CFAP20DC: variants seen among roughly 807,000 people sequenced by gnomAD.
CFAP20DC encodes protein CFAP20DC.
A neutral mutation model predicts 101.7 loss-of-function variants in CFAP20DC; 84 were observed. The ratio of observed to expected loss-of-function variants is 0.83; its 90% CI spans 0.69 to 0.99. CFAP20DC has a LOEUF of 0.99. CFAP20DC is among the 50% of genes least tolerant of loss of function. The pLI is 0.00. For missense variants in CFAP20DC, 1,007 were observed against 970.3 expected (o/e 1.04, Z -0.50); for synonymous variants, 359 against 351.2 (o/e 1.02, Z -0.25).
Position 59,014,438 on chromosome 3 carries a change from A to G in CFAP20DC, c.278+25119T>C, listed in dbSNP as rs1425150208. Among the ~76,000 whole-genome samples the G allele has an allele frequency of 6.6e-6, 1 of 152,182 alleles. No individual in the cohort carries two copies. Among genetic ancestry groups the G allele is most frequent in the Non-Finnish European group, 1.5e-5 (1 of 68,012 alleles). On this transcript the variant is annotated intron_variant, in intron 4 of 16. Transcript: ENST00000482387. The surrounding 1 kb of genome is among the most constrained non-coding windows in gnomAD (Gnocchi z 4.9). ...ACTAAATATTAACTGAAACTTTATG[A>G]TATCTATAATCCAAATAGTGTTGTC...
intron 4 of CFAP20DC, among the ~76,000 whole-genome samples, chr3:58,965,578 A>G (rs898353037): frequency 6.6e-6 from 1 of 152,190 alleles, no homozygotes; most frequent in African/African-American, 2.4e-5. Context: ...TCTGAGCTTT[A>G]CATAGTTGTA....
chr3:58,952,124 A>G (rs1010265833), intron 4 of CFAP20DC, among the ~76,000 whole-genome samples: 1 of 152,144 alleles, frequency 6.6e-6, no homozygotes, highest in African/African-American at 2.4e-5. Flanking sequence ...TTACAAATTC[A>G]TCATCAGCGT....
intron 15 of CFAP20DC, among the ~76,000 whole-genome samples, chr3:58,794,655 A>G (rs1327587975): frequency 1.3e-5 from 2 of 152,186 alleles, no homozygotes; most frequent in Non-Finnish European, 2.9e-5. Context: ...CTGGCAACAA[A>G]AGCAGAGTCT....
intron 4 of CFAP20DC, among the ~76,000 whole-genome samples, chr3:58,987,173 C>A (rs539904623): frequency 9.2e-5 from 14 of 152,124 alleles, no homozygotes; most frequent in Admixed American, 2.0e-4. Flanking sequence ...TGGGATACAA[C>A]TGGAGTTAAA....
chr3:58,877,734 A>C (rs1230718050), intron 7 of CFAP20DC, among the ~76,000 whole-genome samples: 2 of 152,140 alleles, frequency 1.3e-5, no homozygotes, highest in Non-Finnish European at 2.9e-5. Context: ...CTTACTTCCT[A>C]TGCAATTTTG....
At chr3:58,935,010 A>G (rs1044519795) in intron 5 of CFAP20DC, among the ~76,000 whole-genome samples, 17 of 152,212 alleles carry the variant, frequency 1.1e-4, no homozygotes, top group Admixed American at 8.5e-4. Context: ...ACATGATTGT[A>G]TATCTAGAAA....
At position 58,809,111 on chromosome 3, in the gene CFAP20DC, T is replaced by G. The variant is rs1413206721; in HGVS notation, c.2176-2655A>C. On this transcript the variant is annotated intron_variant, in intron 14 of 16. Transcript: ENST00000482387. ...AGAGACTTAGACTCCCACACAATAA[T>G]AATGGGAGACTTTAGCACCCCACTG... is the stretch of plus-strand genomic sequence containing the variant. Among the ~76,000 whole-genome samples, 4 of 152,010 alleles carry G rather than the reference T, an allele frequency of 2.6e-5. No individual in the cohort carries two copies. In the East Asian group the frequency reaches 5.8e-4, roughly 22 times the overall value.
intron 7 of CFAP20DC, among the ~76,000 whole-genome samples, chr3:58,870,792 G>C (rs1245485797): frequency 6.8e-6 from 1 of 146,888 alleles, no homozygotes; most frequent in African/African-American, 2.5e-5. Flanking sequence ...GGAGGCTGAG[G>C]CAGGAGAATG....
chr3:59,011,412 A>G (rs1442990449), intron 4 of CFAP20DC, among the ~76,000 whole-genome samples: 3 of 151,642 alleles, frequency 2.0e-5, no homozygotes, highest in Non-Finnish European at 4.4e-5. Context: ...AAAAAAAAAA[A>G]GTCTGAAAGA....
intron 14 of CFAP20DC, among the ~76,000 whole-genome samples, chr3:58,813,913 C>T (rs142718622): frequency 4.5e-4 from 68 of 151,956 alleles, no homozygotes; most frequent in South Asian, 1.5e-3. Flanking sequence ...ATAAGACTTT[C>T]GGCAATTTGC....
In CFAP20DC at chr3:59,015,691, C is replaced by T. The variant is rs1576722113; in HGVS notation, c.278+23866G>A. ...TTCCTGAATGTCTTTCATAAAAGTA[C>T]ATAATACAGTCTTAGAACGAGGCCT... On this transcript the variant is annotated intron_variant, in intron 4 of 16. Coordinates refer to ENST00000482387, the MANE Select transcript of CFAP20DC (RefSeq NM_001394063.1). The surrounding 1 kb of genome is among the most constrained non-coding windows in gnomAD (Gnocchi z 5.4). Among the ~76,000 whole-genome samples the T allele has an allele frequency of 6.6e-6, 1 of 152,048 alleles. No individual in the cohort carries two copies. The highest frequency in any genetic ancestry group is 1.5e-5 in the Non-Finnish European group (1 of 67,980).
intron 3 of CFAP20DC, among the ~76,000 whole-genome samples, chr3:59,044,857 T>C (rs1262113231): frequency 6.6e-6 from 1 of 152,094 alleles, no homozygotes; most frequent in African/African-American, 2.4e-5. Flanking sequence ...ACCAATATCC[T>C]TAAAAAGATG....
intron 3 of CFAP20DC, among the ~76,000 whole-genome samples, chr3:59,042,674 T>C (rs1017258087): frequency 6.6e-6 from 1 of 152,112 alleles, no homozygotes; most frequent in African/African-American, 2.4e-5. Flanking sequence ...GTAACATTAC[T>C]TATGTGTTTC....
At chr3:58,791,749 CTG>C (rs922739664) in intron 15 of CFAP20DC, among the ~76,000 whole-genome samples, 4 of 152,178 alleles carry the variant, frequency 2.6e-5, no homozygotes, top group African/African-American at 9.7e-5. Flanking sequence ...TATAGGGACT[CTG>C]TTTGTCACAG....
intron 7 of CFAP20DC, among the ~76,000 whole-genome samples, chr3:58,881,708 C>A (rs2081242358): frequency 6.6e-6 from 1 of 152,128 alleles, no homozygotes; most frequent in East Asian, 1.9e-4. Context: ...AATAAAATAT[C>A]ACAATTTACA....
chr3:58,763,644 C>G (rs2069917425), intron 15 of CFAP20DC, among the ~76,000 whole-genome samples: 1 of 152,142 alleles, frequency 6.6e-6, no homozygotes, highest in African/African-American at 2.4e-5. Context: ...TTTTTCTGTT[C>G]TGTTTTTTCC....
At chr3:58,818,922 A>G (rs1332970157) in intron 14 of CFAP20DC, among the ~76,000 whole-genome samples, 1 of 146,670 alleles carries the variant, frequency 6.8e-6, no homozygotes, top group Non-Finnish European at 1.5e-5. Context: ...GTAAAAGAAC[A>G]GAAATTATAA....
At chr3:58,871,611 C>T (rs939211807) in intron 7 of CFAP20DC, among the ~76,000 whole-genome samples, 7 of 151,818 alleles carry the variant, frequency 4.6e-5, no homozygotes, top group Admixed American at 6.6e-5. Context: ...TCACTGCAAC[C>T]GCCGCCTCCT....
intron 4 of CFAP20DC, among the ~76,000 whole-genome samples, chr3:58,938,095 C>T (rs1000837003): frequency 3.9e-5 from 6 of 152,132 alleles, no homozygotes; most frequent in Non-Finnish European, 8.8e-5. Context: ...TTGTTCCAGC[C>T]CCTTAAGCTT....
Sources: allele counts gnomAD v4.1 joint callset (sites outside exome capture counted in the v4.1 genomes callset), GRCh38; gene constraint gnomAD v4.1.1; non-coding constraint Gnocchi (gnomAD v3.1); transcripts MANE v1.5; gene names NCBI Gene and HGNC (gene_info 2026-07-23, HGNC 2026-07-21).